TRAF7: variants seen among roughly 807,000 people sequenced by gnomAD.
TRAF7 encodes E3 ubiquitin-protein ligase TRAF7.
TRAF7 carries 45 observed loss-of-function variants against 89.3 expected under a neutral mutation model. That is an observed-to-expected ratio of 0.50 (90% confidence interval 0.40 to 0.65). TRAF7 has a LOEUF of 0.65. Ranked by LOEUF, TRAF7 falls within the 30% of genes least tolerant of loss-of-function variation. TRAF7 has a pLI of 0.00. For synonymous variants in TRAF7, 406 were observed against 369.2 expected, an observed-to-expected ratio of 1.10 and a Z score of -1.14; for missense variants, 677 against 918.1, an observed-to-expected ratio of 0.74 and a Z score of 3.39.
chr16:2,164,042 C>A (rs1002971369), intron 2 of TRAF7, 41 bp downstream of exon 2: 1 of 1,534,098 alleles, frequency 6.5e-7, no homozygotes. Context: ...TCCCCAGGAC[C>A]CCCAGCATGC....
chr16:2,177,848 G>A lies in TRAF7; in HGVS notation c.*1274G>A, dbSNP rs1416310732. Reference sequence around the variant, plus strand: ...GAACTTAGGAGAGAAGCACGGAGGAGCCCCCGGCAGAGCACCCGCCCCCGG... The same window carrying A: ...GAACTTAGGAGAGAAGCACGGAGGAACCCCCGGCAGAGCACCCGCCCCCGG... On this transcript the variant is annotated 3_prime_UTR_variant, in exon 21 of 21. Transcript: ENST00000326181. 2 of 283,674 alleles carry A rather than the reference G, an allele frequency of 7.1e-6. No individual in the cohort carries two copies. Among genetic ancestry groups the A allele is most frequent in the East Asian group, 1.2e-4 (2 of 16,474 alleles). The allele number at this position is 283,674 out of a possible 1,614,324, so 17.6% of individuals were successfully genotyped here. A position where few individuals can be genotyped will look rare whatever the true frequency, so the allele number is the denominator to read the frequency against.
At chr16:2,171,110 G>A (rs900642820) in intron 5 of TRAF7, among the ~76,000 whole-genome samples, 154 bp from the exon 6 acceptor site, 3 of 152,196 alleles carry the variant, frequency 2.0e-5, no homozygotes, top group South Asian at 2.1e-4. Flanking sequence ...CCTGGGCCCC[G>A]ATCAAGCCCC....
rs181083520 is a variant in TRAF7 at position 2,161,316 on chromosome 16, T to A, written c.-38-2567T>A. Reference sequence around the variant, plus strand: ...TGCGCACACCCCACAGATCCTGTGGTGTTGTCCCCGTGGCCCGGCTGCTGT... The same window carrying A: ...TGCGCACACCCCACAGATCCTGTGGAGTTGTCCCCGTGGCCCGGCTGCTGT... On this transcript the variant is annotated intron_variant, in intron 1 of 20. Transcript: ENST00000326181. This position sits in a 1 kb window ranked among gnomAD's most constrained non-coding sequence, Gnocchi z 5.2. Among the ~76,000 whole-genome samples the A allele has an allele frequency of 1.5e-3, 229 of 150,990 alleles. 2 individuals carry two copies. The highest frequency in any genetic ancestry group is 2.8e-3 in the Non-Finnish European group (191 of 67,706).
Position 2,164,159 on chromosome 16 carries a change from T to TGTGCGCGC in TRAF7, c.81+159_81+160insTGCGCGCG, listed in dbSNP as rs879079517. Among the ~76,000 whole-genome samples, 207 of 126,058 alleles carry TGTGCGCGC rather than the reference T, an allele frequency of 1.6e-3. 1 individual carries two copies. Among genetic ancestry groups the TGTGCGCGC allele is most frequent in the African/African-American group, 6.0e-3 (192 of 32,076 alleles). 82.7% of individuals were successfully genotyped at this position (126,058 alleles called of 152,430 possible). A position where few individuals can be genotyped will look rare whatever the true frequency, so the allele number is the denominator to read the frequency against. The stretch of plus-strand genomic sequence containing the variant: ...GGTGTGGTGTGTGTGTGTGTGTGTG[T>TGTGCGCGC]GCGCGCGCGCGCGCGCGCGCGCACG... On this transcript the variant is annotated intron_variant, in intron 2 of 20. Transcript: ENST00000326181.
chr16:2,174,384 C>A, intron 14 of TRAF7, 51 bp downstream of exon 14: 1 of 1,574,150 alleles, frequency 6.4e-7, no homozygotes, highest in Non-Finnish European at 8.7e-7. Flanking sequence ...GGAGACGTGG[C>A]GCTGCCACCC....
intron 2 of TRAF7, among the ~76,000 whole-genome samples, 176 bp downstream of exon 2, chr16:2,164,177 C>CGCGCGCGCGT (rs1555465743): frequency 1.7e-5 from 2 of 117,724 alleles, no homozygotes; most frequent in Admixed American, 8.0e-5. Context: ...CGCGCGCGCG[C>CGCGCGCGCGT]GCGCACGCGT....
chr16:2,176,436 G>A (rs1229399164), intron 20 of TRAF7, 52 bp downstream of exon 20: 2 of 1,612,318 alleles, frequency 1.2e-6, no homozygotes, highest in Admixed American at 3.3e-5. Context: ...GATGGAGCGG[G>A]GGTGGGGACG....
In TRAF7 at chr16:2,162,235, CAG is replaced by C. The variant is rs1272779899; in HGVS notation, c.-38-1647_-38-1646del. ...ATTGGAAGGGACAGGTGGGCCTGGG[CAG>C]CCTAGAGAATGGGAGAGGAGACAGC... On this transcript the variant is annotated intron_variant, in intron 1 of 20. Transcript: ENST00000326181. This position sits in a 1 kb window ranked among gnomAD's most constrained non-coding sequence, Gnocchi z 5.0. Among the ~76,000 whole-genome samples the C allele has an allele frequency of 1.1e-3, 167 of 152,098 alleles. 3 individuals carry two copies. The highest frequency in any genetic ancestry group is 4.1e-4 in the Non-Finnish European group (28 of 67,948).
chr16:2,158,012 G>T lies in TRAF7; in HGVS notation c.-39+2154G>T, dbSNP rs148811559. Among the ~76,000 whole-genome samples, 661 of 152,354 alleles carry T rather than the reference G, an allele frequency of 4.3e-3. 9 individuals are homozygous for T. The highest frequency in any genetic ancestry group is 0.015 in the African/African-American group (631 of 41,584). On this transcript the variant is annotated intron_variant, in intron 1 of 20. Transcript: ENST00000326181. The surrounding 1 kb of genome is among the most constrained non-coding windows in gnomAD (Gnocchi z 4.7). ...CCGTTTTTCGAGAAGCCCGAGGCCA[G>T]GAGGGCAGGTACACAGCTGTGAAGT...
intron 6 of TRAF7, 37 bp from the exon 7 acceptor site, chr16:2,171,535 C>G (rs750493668): frequency 6.2e-7 from 1 of 1,612,924 alleles, no homozygotes; most frequent in Admixed American, 1.7e-5. Context: ...AAAAGAGGAC[C>G]CTGCGCCACC....
rs2093044344 is a variant in TRAF7 at position 2,158,352 on chromosome 16, G to A, written c.-39+2494G>A. 6.6e-6 allele frequency among the ~76,000 whole-genome samples: 1 copy of A among 152,222 alleles called. No homozygotes were observed. The highest frequency in any genetic ancestry group is 2.1e-4 in the South Asian group (1 of 4,828). ...GAGGAGGGTGCAGCCAGGTGGGGCA[G>A]GTGAAAGGGGAAAGCGGGCACTGGA... On this transcript the variant is annotated intron_variant, in intron 1 of 20. Coordinates refer to ENST00000326181, the MANE Select transcript of TRAF7 (RefSeq NM_032271.3). This position sits in a 1 kb window ranked among gnomAD's most constrained non-coding sequence, Gnocchi z 4.7.
intron 1 of TRAF7, among the ~76,000 whole-genome samples, chr16:2,156,914 C>T (rs1411451674): frequency 2.6e-5 from 4 of 152,004 alleles, no homozygotes; most frequent in East Asian, 3.9e-4. Context: ...CACTGGGGTC[C>T]TGCTGTCAAG....
intron 2 of TRAF7, among the ~76,000 whole-genome samples, 158 bp downstream of exon 2, chr16:2,164,159 T>TGTGTGCGCGC (rs879079517): frequency 1.6e-5 from 2 of 126,078 alleles, no homozygotes; most frequent in African/African-American, 6.2e-5. Context: ...TGTGTGTGTG[T>TGTGTGCGCGC]GCGCGCGCGC....
At chr16:2,171,212 C>A in intron 5 of TRAF7, 52 bp from the exon 6 acceptor site, 1 of 1,465,354 alleles carries the variant, frequency 6.8e-7, no homozygotes, top group Non-Finnish European at 9.2e-7. Flanking sequence ...TGGGTGGTGG[C>A]GGGGCTGAGG....
chr16:2,175,844 T>G lies in TRAF7; in HGVS notation c.1637T>G (p.Ile546Ser). ...CACGATTACTCATAGATCTGGGACA[T>G]CCGAACCCTTGACTGCATCCACGTC... ...GSYQTIKIWD[I>S]RTLDCIHVLQ... Residue 546 changes from isoleucine (I) to serine (S), a missense_variant, in exon 18 of 21, where the codon ATC becomes AGC. Ile to Ser is a moderately radical substitution (Grantham distance 142, BLOSUM62 -2). Coordinates refer to ENST00000326181, the MANE Select transcript of TRAF7 (RefSeq NM_032271.3). The G allele has an allele frequency of 6.2e-7, 1 of 1,613,300 alleles. No homozygotes were observed. Among genetic ancestry groups the G allele is most frequent in the Non-Finnish European group, 8.5e-7 (1 of 1,179,820 alleles).
In TRAF7 at chr16:2,177,970, C is replaced by T; in HGVS notation, c.*1396C>T. The T allele has an allele frequency of 2.7e-6, 1 of 369,556 alleles. No individual in the cohort carries two copies. The highest frequency in any genetic ancestry group is 2.6e-5 in the South Asian group (1 of 37,980). The allele number at this position is 369,556 out of a possible 1,614,324, so 22.9% of individuals were successfully genotyped here. On this transcript the variant is annotated 3_prime_UTR_variant, in exon 21 of 21. Coordinates refer to ENST00000326181, the MANE Select transcript of TRAF7 (RefSeq NM_032271.3). ...GCCTGGGCCTCTAACAGCTTTTGTC[C>T]GGAGCTAGACTTCGTGTCCTTTCAG...
At position 2,162,714 on chromosome 16, in the gene TRAF7, G is replaced by A. The variant is rs568085895; in HGVS notation, c.-38-1169G>A. Among the ~76,000 whole-genome samples, 19 of 152,176 alleles carry A rather than the reference G, an allele frequency of 1.2e-4. No individual in the cohort carries two copies. Among genetic ancestry groups the A allele is most frequent in the African/African-American group, 4.6e-4 (19 of 41,544 alleles). Reference sequence around the variant, plus strand: ...GCCTTGGGAGCTGAGCCCATGGTGTGTCCTCATGGGGTGCTGCGCATGGGC... The same window carrying A: ...GCCTTGGGAGCTGAGCCCATGGTGTATCCTCATGGGGTGCTGCGCATGGGC... On this transcript the variant is annotated intron_variant, in intron 1 of 20. Transcript: ENST00000326181. The surrounding 1 kb of genome is among the most constrained non-coding windows in gnomAD (Gnocchi z 5.0).
chr16:2,171,683 G>A, intron 7 of TRAF7, 78 bp downstream of exon 7: 2 of 1,605,028 alleles, frequency 1.2e-6, no homozygotes, highest in Non-Finnish European at 1.7e-6. Context: ...CTTCTCCCTT[G>A]TCCCCTGCAC....
intron 14 of TRAF7, 40 bp downstream of exon 14, chr16:2,174,373 A>G (rs1159770963): frequency 1.3e-6 from 2 of 1,599,548 alleles, no homozygotes; most frequent in Admixed American, 1.7e-5. Flanking sequence ...TTCCCAGGAC[A>G]GGAGACGTGG....
Sources: allele counts gnomAD v4.1 joint callset (sites outside exome capture counted in the v4.1 genomes callset), GRCh38; gene constraint gnomAD v4.1.1; non-coding constraint Gnocchi (gnomAD v3.1); transcripts MANE v1.5; gene names NCBI Gene and HGNC (gene_info 2026-07-23, HGNC 2026-07-21).